The following PLEKHM1 variants were observed in gnomAD, a reference collection of about 807,000 sequenced individuals.
The protein encoded by PLEKHM1 is pleckstrin homology and RUN domain containing M1, also known as pleckstrin homology domain-containing family M member 1.
In PLEKHM1, 28 loss-of-function variants were observed where a neutral mutation model predicts 94.3. That is an observed-to-expected ratio of 0.30 (90% CI 0.22 to 0.41). The LOEUF is 0.41. Among genes scored for constraint, PLEKHM1 ranks in the 10% least tolerant of loss-of-function variants. The pLI is 1.00. For missense variants in PLEKHM1, 907 were observed against 1,358.6 expected (o/e 0.67, Z 5.22); for synonymous variants, 424 against 581.2 (o/e 0.73, Z 3.89).
intron 5 of PLEKHM1, among the ~76,000 whole-genome samples, chr17:45,460,978 G>A (rs1410764605): frequency 1.7e-4 from 26 of 152,154 alleles, no homozygotes; most frequent in East Asian, 3.9e-4. Context: ...TCCGCTTCCC[G>A]GGTTCACGCC....
intron 5 of PLEKHM1, among the ~76,000 whole-genome samples, chr17:45,466,296 T>G (rs2051318253): frequency 2.0e-5 from 3 of 152,160 alleles, no homozygotes; most frequent in African/African-American, 7.2e-5. Flanking sequence ...TCACTAAAGC[T>G]TCTAGAAGAT....
At chr17:45,482,809 A>T (rs1274753099) in intron 1 of PLEKHM1, among the ~76,000 whole-genome samples, 1 of 152,050 alleles carries the variant, frequency 6.6e-6, no homozygotes, top group Non-Finnish European at 1.5e-5. Context: ...GCTGCCCAGA[A>T]AGCCAAGGCC....
chr17:45,457,172 G>GAAA (rs980455854), intron 6 of PLEKHM1, among the ~76,000 whole-genome samples: 52 of 55,318 alleles, frequency 9.4e-4, no homozygotes, highest in East Asian at 2.1e-3. Flanking sequence ...CTCTGCCTCA[G>GAAA]AAAAAAAAAA....
intron 8 of PLEKHM1, among the ~76,000 whole-genome samples, chr17:45,449,578 C>T (rs555454487): frequency 6.6e-6 from 1 of 152,126 alleles, no homozygotes; most frequent in South Asian, 2.1e-4. Context: ...ACCCAACCAC[C>T]TACCCATCCA....
At chr17:45,487,256 T>C (rs1370232142) in intron 1 of PLEKHM1, among the ~76,000 whole-genome samples, 1 of 152,136 alleles carries the variant, frequency 6.6e-6, no homozygotes, top group East Asian at 1.9e-4. Context: ...TCTAACCTCA[T>C]TTAATTCTCA....
intron 1 of PLEKHM1, among the ~76,000 whole-genome samples, chr17:45,490,116 G>C (rs1237454102): frequency 6.6e-6 from 1 of 152,116 alleles, no homozygotes; most frequent in African/African-American, 2.4e-5. Flanking sequence ...ACCTACTTTG[G>C]GGGTGGGTCT....
rs764242337 is a variant in PLEKHM1 at position 45,436,840 on chromosome 17, A to G, written c.*1018T>C. 34 of 454,136 alleles carry G rather than the reference A, an allele frequency of 7.5e-5. No individual in the cohort carries two copies. Among genetic ancestry groups the G allele is most frequent in the African/African-American group, 5.0e-4 (25 of 50,118 alleles). 28.1% of individuals were successfully genotyped at this position (454,136 alleles called of 1,614,324 possible). On this transcript the variant is annotated 3_prime_UTR_variant, in exon 12 of 12. Transcript: ENST00000430334. ...GCCCTGCACAGCTTAGGACCAGGTC[A>G]CTTCTCCACAGTGCAGGGCGTGGCT...
At chr17:45,448,944 G>A (rs2050690355) in intron 8 of PLEKHM1, among the ~76,000 whole-genome samples, 1 of 152,158 alleles carries the variant, frequency 6.6e-6, no homozygotes, top group African/African-American at 2.4e-5. Context: ...ATAAAAAATA[G>A]ATGCATATGT....
chr17:45,445,528 G>A lies in PLEKHM1; in HGVS notation c.2779C>T (p.Leu927Phe). 3 of 1,613,916 alleles carry A rather than the reference G, an allele frequency of 1.9e-6. No homozygotes were observed. The highest frequency in any genetic ancestry group is 2.5e-6 in the Non-Finnish European group (3 of 1,179,876). The change falls in exon 9 of 12, where the codon CTC (leucine) becomes TTC (phenylalanine). Residue 927 changes from leucine (L) to phenylalanine (F), a missense_variant. Physicochemically the swap from Leu to Phe is conservative, Grantham distance 22. Coordinates refer to ENST00000430334, the MANE Select transcript of PLEKHM1 (RefSeq NM_014798.3). This position sits in a 1 kb window ranked among gnomAD's most constrained non-coding sequence, Gnocchi z 4.2. ...LIGRRREQLKLLGDYLGLCRS... is the reference protein window; with the variant it reads ...LIGRRREQLKFLGDYLGLCRS... ...CACAGGCCCAGGTAATCCCCCAGGAGCTTCAGCTGCTCCCGTCTCCTCCCA... is the reference window on the plus strand; with the variant it reads ...CACAGGCCCAGGTAATCCCCCAGGAACTTCAGCTGCTCCCGTCTCCTCCCA...
chr17:45,465,884 A>G (rs2051305806), intron 5 of PLEKHM1, among the ~76,000 whole-genome samples: 1 of 151,946 alleles, frequency 6.6e-6, no homozygotes, highest in South Asian at 2.1e-4. Context: ...AAGCTAGACC[A>G]TGGGCAGGAG....
At chr17:45,438,593 G>A (rs1181149641) in intron 11 of PLEKHM1, among the ~76,000 whole-genome samples, 2 of 151,848 alleles carry the variant, frequency 1.3e-5, no homozygotes, top group Non-Finnish European at 2.9e-5. Flanking sequence ...GTCTTGCTCT[G>A]TTGCCCAGGC....
chr17:45,488,737 G>A (rs1410270773), intron 1 of PLEKHM1, among the ~76,000 whole-genome samples: 1 of 152,148 alleles, frequency 6.6e-6, no homozygotes, highest in Non-Finnish European at 1.5e-5. Flanking sequence ...TCGGGAGTTG[G>A]AGACCAGCCT....
intron 4 of PLEKHM1, 66 bp downstream of exon 4, chr17:45,475,034 G>C (rs1031638410): frequency 1.2e-4 from 188 of 1,548,862 alleles, no homozygotes; most frequent in Non-Finnish European, 1.2e-4. Context: ...TGGGAAGAAA[G>C]GGAGGAGGAG....
chr17:45,445,732 C>G lies in PLEKHM1; in HGVS notation c.2644-69G>C. 8.5e-7 allele frequency: 1 copy of G among 1,180,420 alleles called. No homozygotes were observed. The highest frequency in any genetic ancestry group is 1.3e-6 in the Non-Finnish European group (1 of 786,120). 73.1% of individuals were successfully genotyped at this position (1,180,420 alleles called of 1,614,324 possible). A position where few individuals can be genotyped will look rare whatever the true frequency, so the allele number is the denominator to read the frequency against. ...TCAGTGAGCACTGCCTGGCCAGGTG[C>G]CACATGACCTGCTCACTTACCTGAG... On this transcript the variant is annotated intron_variant, in intron 8 of 11. Transcript: ENST00000430334. The surrounding 1 kb of genome is among the most constrained non-coding windows in gnomAD (Gnocchi z 4.2).
chr17:45,464,685 C>CAAAA (rs1170273751), intron 5 of PLEKHM1, among the ~76,000 whole-genome samples: 2 of 152,124 alleles, frequency 1.3e-5, no homozygotes, highest in Admixed American at 6.5e-5. Context: ...GCACCAAGCG[C>CAAAA]TTAGATGTCA....
rs1457729582 is a variant in PLEKHM1 at position 45,453,233 on chromosome 17, A to C, written c.2497+122T>G. The C allele has an allele frequency of 1.4e-5, 11 of 761,794 alleles. No individual in the cohort carries two copies. Among genetic ancestry groups the C allele is most frequent in the Non-Finnish European group, 2.3e-5 (10 of 429,924 alleles). The allele number at this position is 761,794 out of a possible 1,614,324, so 47.2% of individuals were successfully genotyped here. A position where few individuals can be genotyped will look rare whatever the true frequency, so the allele number is the denominator to read the frequency against. ...TAGGGCAAGCCTGATCTGTGGCCTC[A>C]TCCCTAGGGGAAGGATGGGGGCATT... is the stretch of plus-strand genomic sequence containing the variant. On this transcript the variant is annotated intron_variant, in intron 7 of 11. Transcript: ENST00000430334. The surrounding 1 kb of genome is among the most constrained non-coding windows in gnomAD (Gnocchi z 4.1).
At position 45,467,880 on chromosome 17, in the gene PLEKHM1, T is replaced by TAGTG. The variant is rs550567828; in HGVS notation, c.1308+325_1308+328dup. Among the ~76,000 whole-genome samples the TAGTG allele has an allele frequency of 2.2e-4, 33 of 152,274 alleles. No homozygotes were observed. The South Asian group carries it at 6.8e-3, about 32-fold the overall frequency. Reference sequence around the variant, plus strand: ...CCCAAGGCCTTATGCTGGTGAGTGGTAGTGGTTAAAGAGCTGAGACTGCGG... The same window carrying TAGTG: ...CCCAAGGCCTTATGCTGGTGAGTGGTAGTGAGTGGTTAAAGAGCTGAGACTGCGG... On this transcript the variant is annotated intron_variant, in intron 5 of 11. Transcript: ENST00000430334.
chr17:45,489,717 G>A (rs1277269974), intron 1 of PLEKHM1, among the ~76,000 whole-genome samples: 1 of 152,060 alleles, frequency 6.6e-6, no homozygotes, highest in East Asian at 1.9e-4. Flanking sequence ...CTGTAACTGC[G>A]GGTCTGAGTG....
At chr17:45,438,432 T>C (rs1355066980) in intron 11 of PLEKHM1, among the ~76,000 whole-genome samples, 1 of 151,254 alleles carries the variant, frequency 6.6e-6, no homozygotes, top group African/African-American at 2.4e-5. Flanking sequence ...CTGGGGAGGC[T>C]GAGGCAGGAG....
Sources: gnomAD v4.1 joint callset for allele counts (sites outside exome capture counted in the v4.1 genomes callset) on GRCh38, gnomAD v4.1.1 for gene constraint, Gnocchi (gnomAD v3.1) non-coding constraint, MANE v1.5 for transcripts, NCBI Gene and HGNC (gene_info 2026-07-23, HGNC 2026-07-21) for gene names.